NETO1: variants seen among roughly 807,000 people sequenced by gnomAD.
The protein encoded by NETO1 is neuropilin and tolloid like 1.
NETO1 carries 26 observed loss-of-function variants against 61.3 expected under a neutral mutation model. The ratio of observed to expected loss-of-function variants is 0.42; its 90% CI spans 0.31 to 0.59. NETO1 has a LOEUF of 0.59. Ranked by LOEUF, NETO1 falls within the 20% of genes least tolerant of loss-of-function variation. The probability of loss-of-function intolerance (pLI) is 0.12; values close to 1 mark genes in which losing one functional copy is unlikely to be tolerated. For synonymous variants in NETO1, 225 were observed against 225.8 expected, an observed-to-expected ratio of 1.00 and a Z score of 0.03; for missense variants, 531 against 662.8, an observed-to-expected ratio of 0.80 and a Z score of 2.18.
chr18:72,806,643 A>C (rs749154558), intron 4 of NETO1, among the ~76,000 whole-genome samples: 6 of 152,160 alleles, frequency 3.9e-5, no homozygotes, highest in Non-Finnish European at 8.8e-5. Flanking sequence ...TCAGACAATA[A>C]ATCTGCTCAA....
intron 7 of NETO1, among the ~76,000 whole-genome samples, chr18:72,756,556 A>G (rs181925755): frequency 2.9e-4 from 44 of 152,330 alleles, no homozygotes; most frequent in African/African-American, 9.1e-4. Context: ...TTTGAAAAAC[A>G]TATACTTACC....
In NETO1 at chr18:72,784,067, CTG is replaced by C. The variant is rs1432065067; in HGVS notation, c.640-163_640-162del. Among the ~76,000 whole-genome samples, 6 of 151,822 alleles carry C rather than the reference CTG, an allele frequency of 4.0e-5. No individual in the cohort carries two copies. In the East Asian group the frequency reaches 9.6e-4, roughly 24 times the overall value. On this transcript the variant is annotated intron_variant, in intron 6 of 10. Transcript: ENST00000327305. ...AAAGAAGATGTACGATAAGAACAAA[CTG>C]TGTTTAATATTTTTTTTCAAATGCT... is the stretch of plus-strand genomic sequence containing the variant.
At chr18:72,835,133 C>T in intron 4 of NETO1, 1 of 1,230,094 alleles carries the variant, frequency 8.1e-7, no homozygotes, top group Non-Finnish European at 1.0e-6. Context: ...GGCAAACTTT[C>T]TCCAGAAAGA....
chr18:72,789,115 A>G (rs950669018), intron 6 of NETO1, among the ~76,000 whole-genome samples: 1 of 152,036 alleles, frequency 6.6e-6, no homozygotes, highest in Admixed American at 6.6e-5. Flanking sequence ...TTATAAACTT[A>G]TGTAGAATAT....
At chr18:72,790,711 A>T (rs2072085511) in intron 6 of NETO1, among the ~76,000 whole-genome samples, 1 of 152,110 alleles carries the variant, frequency 6.6e-6, no homozygotes, top group South Asian at 2.1e-4. Flanking sequence ...CAGTACTTAA[A>T]AGTCTTACTC....
intron 4 of NETO1, among the ~76,000 whole-genome samples, chr18:72,799,822 T>G (rs780499277): frequency 2.0e-5 from 3 of 152,264 alleles, no homozygotes; most frequent in Non-Finnish European, 4.4e-5. Flanking sequence ...AGAGATTTCT[T>G]GTAGACAAAT....
At chr18:72,865,433 A>G in intron 1 of NETO1, 192 bp from the exon 2 acceptor site, 1 of 1,169,462 alleles carries the variant, frequency 8.6e-7, no homozygotes, top group Non-Finnish European at 1.2e-6. Flanking sequence ...GACTCCCTTA[A>G]GGAACTAATG....
In NETO1 at chr18:72,867,796, G is replaced by T; in HGVS notation, c.-505C>A. 6.4e-6 allele frequency: 1 copy of T among 155,720 alleles called. No individual in the cohort carries two copies. Among genetic ancestry groups the T allele is most frequent in the Non-Finnish European group, 1.4e-5 (1 of 73,280 alleles). The allele number at this position is 155,720 out of a possible 1,614,324, so 9.6% of individuals were successfully genotyped here. Reference sequence around the variant, plus strand: ...GGAGCGGGCGGCGGCGGCGGCGCCGGCGGCGGCGGGGTGGCTCAGTCCCCA... The same window carrying T: ...GGAGCGGGCGGCGGCGGCGGCGCCGTCGGCGGCGGGGTGGCTCAGTCCCCA... On this transcript the variant is annotated 5_prime_UTR_variant, in exon 1 of 11. Transcript: ENST00000327305.
intron 4 of NETO1, among the ~76,000 whole-genome samples, chr18:72,854,819 A>G (rs1383755659): frequency 1.3e-5 from 2 of 152,308 alleles, no homozygotes; most frequent in East Asian, 1.9e-4. Context: ...TAATACCAAA[A>G]TATCTTATTC....
intron 4 of NETO1, chr18:72,834,295 T>A (rs972980061): frequency 2.4e-6 from 2 of 847,004 alleles, no homozygotes; most frequent in African/African-American, 1.8e-5. Flanking sequence ...ACAGAAAAAA[T>A]TTCATAAATG....
intron 3 of NETO1, among the ~76,000 whole-genome samples, chr18:72,863,559 T>C (rs930985413): frequency 4.6e-5 from 7 of 152,238 alleles, no homozygotes; most frequent in South Asian, 2.1e-4. Context: ...TTTAATAGCA[T>C]AGCTAATTGT....
intron 4 of NETO1, among the ~76,000 whole-genome samples, chr18:72,836,138 C>T (rs529298751): frequency 1.3e-5 from 2 of 152,128 alleles, no homozygotes; most frequent in Non-Finnish European, 2.9e-5. Flanking sequence ...GTAGACTCAC[C>T]GCCTTCTTTT....
chr18:72,774,338 C>T (rs1386207369), intron 7 of NETO1, among the ~76,000 whole-genome samples: 6 of 152,130 alleles, frequency 3.9e-5, no homozygotes, highest in Admixed American at 1.3e-4. Flanking sequence ...GCATATTCCA[C>T]GAAGGTCTCT....
rs372531367 is a variant in NETO1 at position 72,859,117 on chromosome 18, T to C, written c.221-43A>G. The C allele has an allele frequency of 9.2e-6, 14 of 1,523,348 alleles. No homozygotes were observed. In the African/African-American group the frequency reaches 2.0e-4, roughly 21 times the overall value. 94.4% of individuals were successfully genotyped at this position (1,523,348 alleles called of 1,614,324 possible). On this transcript the variant is annotated intron_variant, in intron 3 of 10. Coordinates refer to ENST00000327305, the MANE Select transcript of NETO1 (RefSeq NM_138966.5). ...TGTGTCTAGGAGGTCATTTCTTACA[T>C]CTTCAGGTTGATGTTTTCTGATTCT...
intron 7 of NETO1, among the ~76,000 whole-genome samples, chr18:72,758,995 G>C (rs999258532): frequency 6.6e-6 from 1 of 152,140 alleles, no homozygotes; most frequent in Admixed American, 6.6e-5. Flanking sequence ...CTCTCTCTCA[G>C]AAATGCATAT....
chr18:72,846,518 A>AAAAAAAAAAAAAAAAAAAAAAAAAAAG (rs2074091897), intron 4 of NETO1, among the ~76,000 whole-genome samples: 1 of 147,908 alleles, frequency 6.8e-6, no homozygotes, highest in Non-Finnish European at 1.5e-5. Flanking sequence ...AAAAAAAAAA[A>AAAAAAAAAAAAAAAAAAAAAAAAAAAG]AAAAAAAAAA....
At chr18:72,782,668 G>A (rs1184434959) in intron 7 of NETO1, among the ~76,000 whole-genome samples, 2 of 152,100 alleles carry the variant, frequency 1.3e-5, no homozygotes, top group Non-Finnish European at 2.9e-5. Context: ...GCTGTGCATG[G>A]TGGTGCATGC....
At position 72,867,501 on chromosome 18, in the gene NETO1, G is replaced by GCGGGCT; in HGVS notation, c.-216_-211dup. Reference sequence around the variant, plus strand: ...CGGATGAGTCCGTCCTCCGCCCCGGGCGGGCTCTCGCTCTCGCTGGCCCTC... The same window carrying GCGGGCT: ...CGGATGAGTCCGTCCTCCGCCCCGGGCGGGCTCGGGCTCTCGCTCTCGCTGGCCCTC... On this transcript the variant is annotated 5_prime_UTR_variant, in exon 1 of 11. Coordinates refer to ENST00000327305, the MANE Select transcript of NETO1 (RefSeq NM_138966.5). 2.5e-6 allele frequency: 1 copy of GCGGGCT among 393,578 alleles called. No homozygotes were observed. Among genetic ancestry groups the GCGGGCT allele is most frequent in the Non-Finnish European group, 4.5e-6 (1 of 222,626 alleles). The allele number at this position is 393,578 out of a possible 1,614,324, so 24.4% of individuals were successfully genotyped here.
chr18:72,760,687 T>C (rs1267094534), intron 7 of NETO1, among the ~76,000 whole-genome samples: 2 of 152,152 alleles, frequency 1.3e-5, no homozygotes, highest in Middle Eastern at 3.2e-3. Context: ...AAGATAATAC[T>C]TACCCAAGCG....
Sources: allele counts gnomAD v4.1 joint callset (sites outside exome capture counted in the v4.1 genomes callset), GRCh38; gene constraint gnomAD v4.1.1; transcripts MANE v1.5; gene names NCBI Gene and HGNC (gene_info 2026-07-23, HGNC 2026-07-21).